DIP2B: variants seen among roughly 807,000 people sequenced by gnomAD.
DIP2B encodes disco-interacting protein 2 homolog B.
Under a neutral mutation model 198.0 loss-of-function variants are expected in DIP2B, and 76 were observed. The ratio of observed to expected loss-of-function variants is 0.38; its 90% confidence interval spans 0.32 to 0.46. The LOEUF (loss-of-function observed/expected upper bound fraction) is 0.46, where lower values mean the gene tolerates loss of function less well. Among genes scored for constraint, DIP2B ranks in the 20% least tolerant of loss-of-function variants. The pLI is 0.99. For synonymous variants in DIP2B, 701 were observed against 739.1 expected (o/e 0.95, Z 0.84); for missense variants, 1,559 against 1,978.4 (o/e 0.79, Z 4.02).
intron 13 of DIP2B, among the ~76,000 whole-genome samples, chr12:50,691,866 C>G (rs1050438875): frequency 6.6e-6 from 1 of 152,120 alleles, no homozygotes; most frequent in Non-Finnish European, 1.5e-5. Context: ...GGGTTCGAGA[C>G]CAGCCTGGCC....
At chr12:50,666,928 A>G (rs1417873006) in intron 4 of DIP2B, among the ~76,000 whole-genome samples, 2 of 152,192 alleles carry the variant, frequency 1.3e-5, no homozygotes, top group African/African-American at 4.8e-5. Flanking sequence ...ACGCTGAGGC[A>G]GGAGACCCTG....
In DIP2B at chr12:50,736,675, T is replaced by C. The variant is rs540635674; in HGVS notation, c.4102-361T>C. Reference sequence around the variant, plus strand: ...CCCTTTCTGTTTTAAAGGGTTTCACTGCCATCATTCCAGTGAATGAGAAAG... The same window carrying C: ...CCCTTTCTGTTTTAAAGGGTTTCACCGCCATCATTCCAGTGAATGAGAAAG... On this transcript the variant is annotated intron_variant, in intron 34 of 37. Coordinates refer to ENST00000301180, the MANE Select transcript of DIP2B (RefSeq NM_173602.3). Among the ~76,000 whole-genome samples, 7 of 152,346 alleles carry C rather than the reference T, an allele frequency of 4.6e-5. No individual in the cohort carries two copies. In the South Asian group the frequency reaches 1.4e-3, roughly 32 times the overall value.
Position 50,746,995 on chromosome 12 carries a change from CATTTTTTTAA to C in DIP2B, c.*2158_*2167del, listed in dbSNP as rs1331192030. On this transcript the variant is annotated 3_prime_UTR_variant, in exon 38 of 38. Coordinates refer to ENST00000301180, the MANE Select transcript of DIP2B (RefSeq NM_173602.3). ...GTAATTTAAATGTTTCTAGTAACCA[CATTTTTTTAA>C]AAGTAAAAAGAAACCCATGGTATTG... 1 of 152,098 alleles carries C rather than the reference CATTTTTTTAA, an allele frequency of 6.6e-6. No individual in the cohort carries two copies. The highest frequency in any genetic ancestry group is 1.5e-5 in the Non-Finnish European group (1 of 68,016). The allele number at this position is 152,098 out of a possible 1,614,324, so 9.4% of individuals were successfully genotyped here.
At chr12:50,695,186 G>A (rs545463531) in intron 14 of DIP2B, 81 bp from the exon 15 acceptor site, 21 of 1,102,736 alleles carry the variant, frequency 1.9e-5, no homozygotes, top group South Asian at 7.1e-5. Context: ...AATTAAAATT[G>A]CTAACAAAAT....
At chr12:50,704,347 G>A (rs973378302) in intron 20 of DIP2B, 127 bp downstream of exon 20, 20 of 773,436 alleles carry the variant, frequency 2.6e-5, no homozygotes, top group Non-Finnish European at 3.6e-5. Flanking sequence ...ATTTAAAGCA[G>A]TTCTTGTAAG....
intron 1 of DIP2B, among the ~76,000 whole-genome samples, chr12:50,531,422 A>G (rs1418251771): frequency 1.3e-5 from 2 of 152,232 alleles, no homozygotes; most frequent in East Asian, 3.8e-4. Context: ...GAAGCTGAAA[A>G]AAAGAACCTG....
At chr12:50,646,364 G>GA (rs1938351188) in intron 3 of DIP2B, among the ~76,000 whole-genome samples, 1 of 150,948 alleles carries the variant, frequency 6.6e-6, no homozygotes, top group Admixed American at 6.6e-5. Context: ...CTCGTGATCC[G>GA]CCTGCCTTGA....
intron 1 of DIP2B, among the ~76,000 whole-genome samples, chr12:50,588,142 T>TC (rs1340915610): frequency 6.6e-6 from 1 of 151,114 alleles, no homozygotes; most frequent in Non-Finnish European, 1.5e-5. Context: ...TTTTCTTTTT[T>TC]TTTTCTTTTT....
In DIP2B at chr12:50,527,280, T is replaced by C. The variant is rs371770254; in HGVS notation, c.100+22040T>C. ...CCAACTACCAAGGACGTTCATGGGC[T>C]GTGCATAACATGTCCAACTGTACAC... On this transcript the variant is annotated intron_variant, in intron 1 of 37. Transcript: ENST00000301180. 4.6e-5 allele frequency among the ~76,000 whole-genome samples: 7 copies of C among 152,366 alleles called. No individual in the cohort carries two copies. The East Asian group carries it at 1.2e-3, about 25-fold the overall frequency.
At chr12:50,698,135 A>G (rs933143616) in intron 17 of DIP2B, among the ~76,000 whole-genome samples, 193 bp from the exon 18 acceptor site, 9 of 152,118 alleles carry the variant, frequency 5.9e-5, no homozygotes, top group Admixed American at 2.0e-4. Context: ...GCCTCAAGCA[A>G]TCCTCCTGCC....
chr12:50,724,718 TG>T, intron 27 of DIP2B, 56 bp from the exon 28 acceptor site: 1 of 1,505,632 alleles, frequency 6.6e-7, no homozygotes, highest in Non-Finnish European at 9.2e-7. Context: ...CCAGGGCCTG[TG>T]GTGCCATGTT....
At chr12:50,563,024 C>T (rs1037696072) in intron 1 of DIP2B, among the ~76,000 whole-genome samples, 1 of 152,134 alleles carries the variant, frequency 6.6e-6, no homozygotes, top group Non-Finnish European at 1.5e-5. Context: ...TAGTGTAGAA[C>T]GATTGCTAAA....
chr12:50,678,086 C>T (rs1938979238), intron 7 of DIP2B, among the ~76,000 whole-genome samples: 1 of 144,628 alleles, frequency 6.9e-6, no homozygotes, highest in South Asian at 2.3e-4. Context: ...AAGGGATTGG[C>T]CATACGAGAT....
rs1172983065 is a variant in DIP2B, at chr12:50,591,829, CAG to C, written c.101-34146_101-34145del. The stretch of plus-strand genomic sequence containing the variant: ...GCATTCTGGCTGCTATTTTACGTAT[CAG>C]GGGACTAAAACGATATTGTTTATTA... On this transcript the variant is annotated intron_variant, in intron 1 of 37. Coordinates refer to ENST00000301180, the MANE Select transcript of DIP2B (RefSeq NM_173602.3). 2.6e-5 allele frequency among the ~76,000 whole-genome samples: 4 copies of C among 151,234 alleles called. 1 individual carries two copies. Among genetic ancestry groups the C allele is most frequent in the Admixed American group, 2.0e-4 (3 of 15,160 alleles).
At chr12:50,546,337 TA>T (rs1162403217) in intron 1 of DIP2B, among the ~76,000 whole-genome samples, 1 of 152,206 alleles carries the variant, frequency 6.6e-6, no homozygotes, top group Admixed American at 6.5e-5. Flanking sequence ...AATTCTTTTT[TA>T]AAAAAATTTC....
chr12:50,528,015 C>A (rs2139360356), intron 1 of DIP2B, among the ~76,000 whole-genome samples: 1 of 151,130 alleles, frequency 6.6e-6, no homozygotes, highest in South Asian at 2.1e-4. Context: ...GCAGCCTTGA[C>A]CTCCCAGGCT....
intron 1 of DIP2B, among the ~76,000 whole-genome samples, chr12:50,560,072 T>A (rs1365615576): frequency 3.3e-5 from 5 of 151,834 alleles, no homozygotes; most frequent in Non-Finnish European, 5.9e-5. Flanking sequence ...AGGCCAAGAG[T>A]TCGAGATCAG....
chr12:50,567,621 G>T (rs1282510417), intron 1 of DIP2B, among the ~76,000 whole-genome samples: 1 of 152,080 alleles, frequency 6.6e-6, no homozygotes, highest in African/African-American at 2.4e-5. Context: ...TTTACCACCC[G>T]GGTTCAAGCA....
At chr12:50,574,700 G>GGAAT (rs1420146378) in intron 1 of DIP2B, among the ~76,000 whole-genome samples, 1 of 152,214 alleles carries the variant, frequency 6.6e-6, no homozygotes, top group Admixed American at 6.5e-5. Flanking sequence ...TCAGAAGTGA[G>GGAAT]GAATGAATGT....
Sources: gnomAD v4.1 joint callset for allele counts (sites outside exome capture counted in the v4.1 genomes callset) on GRCh38, gnomAD v4.1.1 for gene constraint, MANE v1.5 for transcripts, NCBI Gene and HGNC (gene_info 2026-07-23, HGNC 2026-07-21) for gene names.